Variants in MAST2 observed in about 807,000 individuals in gnomAD.
MAST2 encodes microtubule-associated serine/threonine-protein kinase 2.
In MAST2, 70 loss-of-function variants were observed where a neutral mutation model predicts 147.4. The ratio of observed to expected loss-of-function variants is 0.47; its 90% CI spans 0.39 to 0.58. MAST2 has a LOEUF of 0.58. MAST2 is among the 20% of genes least tolerant of loss of function. MAST2 has a pLI of 0.00. For missense variants in MAST2, 2,080 were observed against 2,302.3 expected (o/e 0.90, Z 1.98); for synonymous variants, 869 against 896.8 (o/e 0.97, Z 0.55).
At chr1:45,877,444 C>G (rs1646654045) in intron 3 of MAST2, among the ~76,000 whole-genome samples, 1 of 152,070 alleles carries the variant, frequency 6.6e-6, no homozygotes, top group Admixed American at 6.6e-5. Context: ...GCCTCATGAC[C>G]TAATCACCTC....
intron 7 of MAST2, among the ~76,000 whole-genome samples, chr1:46,005,660 A>G (rs536922908): frequency 1.3e-5 from 2 of 152,318 alleles, no homozygotes; most frequent in East Asian, 3.9e-4. Flanking sequence ...TCAGGTCCAG[A>G]TGTAAAAGTA....
At chr1:45,959,052 G>T (rs915204543) in intron 4 of MAST2, among the ~76,000 whole-genome samples, 2 of 152,134 alleles carry the variant, frequency 1.3e-5, no homozygotes, top group African/African-American at 4.8e-5. Context: ...AAATCAATTT[G>T]CAGTGGTCAT....
chr1:45,876,386 C>T (rs1429522418), intron 3 of MAST2, among the ~76,000 whole-genome samples: 1 of 152,108 alleles, frequency 6.6e-6, no homozygotes, highest in Non-Finnish European at 1.5e-5. Flanking sequence ...TTATCTGAAG[C>T]TGGAATAGAC....
intron 4 of MAST2, among the ~76,000 whole-genome samples, chr1:45,904,750 G>A (rs1650384748): frequency 6.6e-6 from 1 of 152,062 alleles, no homozygotes; most frequent in Admixed American, 6.6e-5. Flanking sequence ...ACAGGCACGA[G>A]CCACCGCACC....
At chr1:45,817,821 GT>G in intron 1 of MAST2, among the ~76,000 whole-genome samples, 1 of 152,334 alleles carries the variant, frequency 6.6e-6, no homozygotes, top group South Asian at 2.1e-4. Context: ...GTTTTGGACT[GT>G]GAATTTTAAA....
chr1:45,995,749 A>G (rs1645030573), intron 5 of MAST2, among the ~76,000 whole-genome samples: 1 of 152,096 alleles, frequency 6.6e-6, no homozygotes, highest in South Asian at 2.1e-4. Flanking sequence ...AATTTTCTGG[A>G]TCTTTGCCTA....
chr1:46,021,057 A>G (rs1646161028), intron 11 of MAST2, among the ~76,000 whole-genome samples: 1 of 152,196 alleles, frequency 6.6e-6, no homozygotes, highest in African/African-American at 2.4e-5. Context: ...TGGTAGGATA[A>G]TAGAGAGAAA....
intron 5 of MAST2, among the ~76,000 whole-genome samples, chr1:45,973,482 C>T (rs949874309): frequency 6.6e-6 from 1 of 152,128 alleles, no homozygotes. Flanking sequence ...GAGATGTCTT[C>T]CAGACATCTG....
intron 5 of MAST2, among the ~76,000 whole-genome samples, chr1:45,987,777 ATTTTTTTTTTTTTTTT>A: frequency 1.4e-4 from 3 of 21,780 alleles, no homozygotes; most frequent in African/African-American, 6.3e-4. Context: ...TTTTTTTTTG[ATTTTTTTTTTTTTTTT>A]TTTTTTTTGG....
intron 3 of MAST2, among the ~76,000 whole-genome samples, chr1:45,861,726 G>A (rs941214160): frequency 7.4e-6 from 1 of 135,536 alleles, no homozygotes; most frequent in Non-Finnish European, 1.6e-5. Context: ...CTTTTTTTTT[G>A]AGAACTTTGG....
At chr1:45,850,168 T>C (rs1286892800) in intron 3 of MAST2, among the ~76,000 whole-genome samples, 1 of 152,182 alleles carries the variant, frequency 6.6e-6, no homozygotes, top group East Asian at 1.9e-4. Context: ...TGGTATCTCA[T>C]TGTGGTTTTG....
chr1:45,881,615 A>G (rs1646848866), intron 3 of MAST2, among the ~76,000 whole-genome samples: 1 of 152,088 alleles, frequency 6.6e-6, no homozygotes, highest in Non-Finnish European at 1.5e-5. Context: ...TCTTTGTTAT[A>G]TTATTAACTA....
rs1646214300 is a variant in MAST2 at position 46,022,139 on chromosome 1, C to T, written c.1423+57C>T. On this transcript the variant is annotated intron_variant, in intron 12 of 28. Coordinates refer to ENST00000361297, the MANE Select transcript of MAST2 (RefSeq NM_015112.3). ...CCCCACTGCTGCTGGCAAGCTCTAA[C>T]AGCAGGGAAGCTGCTTGGAAAAGAG... The T allele has an allele frequency of 3.1e-6, 5 of 1,602,062 alleles. No individual in the cohort carries two copies. The East Asian group carries it at 6.7e-5, about 22-fold the overall frequency.
intron 5 of MAST2, among the ~76,000 whole-genome samples, chr1:45,976,212 G>A (rs971804080): frequency 4.6e-5 from 7 of 151,938 alleles, no homozygotes; most frequent in African/African-American, 1.7e-4. Flanking sequence ...CCTGACCTCA[G>A]GTGATCCGCC....
At chr1:46,029,631 T>G (rs1646556528) in intron 19 of MAST2, 64 bp downstream of exon 19, 1 of 1,505,936 alleles carries the variant, frequency 6.6e-7, no homozygotes, top group South Asian at 1.2e-5. Context: ...CTGAGTCATG[T>G]ACCCTGGAGG....
chr1:45,996,686 G>C (rs1285179705), intron 5 of MAST2, among the ~76,000 whole-genome samples: 1 of 152,172 alleles, frequency 6.6e-6, no homozygotes, highest in Non-Finnish European at 1.5e-5. Context: ...GCATAGGGTA[G>C]TAGGAGCACT....
intron 3 of MAST2, 91 bp from the exon 4 acceptor site, chr1:45,882,273 G>A: frequency 1.3e-6 from 1 of 762,220 alleles, no homozygotes; most frequent in Non-Finnish European, 2.3e-6. Flanking sequence ...CCATTATTAA[G>A]ATAATGCTGT....
intron 4 of MAST2, among the ~76,000 whole-genome samples, chr1:45,907,345 T>C (rs1260239730): frequency 1.3e-5 from 2 of 152,222 alleles, no homozygotes; most frequent in Admixed American, 6.5e-5. Flanking sequence ...CTCCAATGTT[T>C]TCTTCTAGAA....
chr1:45,882,060 C>T lies in MAST2; in HGVS notation c.469-304C>T, dbSNP rs1435099432. Reference sequence around the variant, plus strand: ...AAAAAAAATTAGCCAGGCGTGGTGGCGGGTGCCTGTAGTCCCAGCTACTCA... The same window carrying T: ...AAAAAAAATTAGCCAGGCGTGGTGGTGGGTGCCTGTAGTCCCAGCTACTCA... On this transcript the variant is annotated intron_variant, in intron 3 of 28. Transcript: ENST00000361297. Among the ~76,000 whole-genome samples, 4 of 128,640 alleles carry T rather than the reference C, an allele frequency of 3.1e-5. No homozygotes were observed. The South Asian group carries it at 7.6e-4, about 25-fold the overall frequency. The allele number at this position is 128,640 out of a possible 152,430, so 84.4% of individuals were successfully genotyped here.
Sources: gnomAD v4.1 joint callset for allele counts (sites outside exome capture counted in the v4.1 genomes callset) on GRCh38, gnomAD v4.1.1 for gene constraint, MANE v1.5 for transcripts, NCBI Gene and HGNC (gene_info 2026-07-23, HGNC 2026-07-21) for gene names.